Variants in CNTN5 observed in about 807,000 individuals in gnomAD.
CNTN5 encodes contactin 5.
Under a neutral mutation model 129.1 loss-of-function variants are expected in CNTN5, and 77 were observed. The observed-to-expected ratio is 0.60, with a 90% CI of 0.50 to 0.72. The LOEUF (loss-of-function observed/expected upper bound fraction) is 0.72, where lower values mean the gene tolerates loss of function less well. Ranked by LOEUF, CNTN5 falls within the 30% of genes least tolerant of loss-of-function variation. CNTN5 has a pLI of 0.00. For missense variants in CNTN5, 1,478 were observed against 1,328.8 expected, an observed-to-expected ratio of 1.11 and a Z score of -1.75; for synonymous variants, 509 against 465.6, an observed-to-expected ratio of 1.09 and a Z score of -1.20.
intron 1 of CNTN5, among the ~76,000 whole-genome samples, chr11:99,294,769 G>C (rs558402651): frequency 4.3e-4 from 65 of 152,290 alleles, no homozygotes; most frequent in African/African-American, 1.5e-3. Flanking sequence ...AGACACCACT[G>C]TCGACGACGT....
chr11:99,332,466 T>C (rs1336474565), intron 2 of CNTN5, among the ~76,000 whole-genome samples: 1 of 152,140 alleles, frequency 6.6e-6, no homozygotes, highest in Non-Finnish European at 1.5e-5. Flanking sequence ...CATTTTAAAC[T>C]AATATTTGAA....
intron 3 of CNTN5, among the ~76,000 whole-genome samples, chr11:99,756,850 A>C (rs758601998): frequency 2.0e-5 from 3 of 152,040 alleles, no homozygotes; most frequent in Non-Finnish European, 2.9e-5. Context: ...ATATAAAAAG[A>C]AATAACTTTT....
chr11:99,342,548 A>G (rs2136059148), intron 2 of CNTN5, among the ~76,000 whole-genome samples: 1 of 135,540 alleles, frequency 7.4e-6, no homozygotes, highest in African/African-American at 2.7e-5. Context: ...CAGCCAGGGC[A>G]ACATGGCGAA....
intron 13 of CNTN5, among the ~76,000 whole-genome samples, chr11:100,098,501 C>G (rs1591239952): frequency 1.3e-5 from 2 of 152,000 alleles, no homozygotes; most frequent in African/African-American, 2.4e-5. Flanking sequence ...TAGATTTACT[C>G]TATTAGGAAA....
intron 13 of CNTN5, among the ~76,000 whole-genome samples, chr11:100,153,570 A>G (rs767699292): frequency 3.3e-5 from 5 of 152,156 alleles, no homozygotes; most frequent in African/African-American, 4.8e-5. Context: ...ATAGAAAATT[A>G]TAAAAGCAAA....
At chr11:99,901,257 A>T (rs1234817358) in intron 6 of CNTN5, among the ~76,000 whole-genome samples, 1 of 152,088 alleles carries the variant, frequency 6.6e-6, no homozygotes, top group African/African-American at 2.4e-5. Flanking sequence ...ATAAACTGGT[A>T]AGATTTTCTG....
intron 13 of CNTN5, among the ~76,000 whole-genome samples, chr11:100,117,905 G>T (rs1307624037): frequency 1.3e-5 from 2 of 151,776 alleles, no homozygotes; most frequent in Non-Finnish European, 2.9e-5. Context: ...TGGGCTATTT[G>T]TCTCATTAGT....
intron 3 of CNTN5, among the ~76,000 whole-genome samples, chr11:99,588,069 C>T (rs1322076130): frequency 4.6e-5 from 7 of 152,296 alleles, no homozygotes; most frequent in Admixed American, 2.0e-4. Flanking sequence ...ACCGGCCGGG[C>T]GCAGTGGCTC....
chr11:100,280,969 A>G (rs1950622760), intron 18 of CNTN5, among the ~76,000 whole-genome samples: 1 of 152,170 alleles, frequency 6.6e-6, no homozygotes, highest in African/African-American at 2.4e-5. Context: ...AACTAGTAAA[A>G]AATCTACATC....
At chr11:99,920,325 T>G (rs73551376) in intron 7 of CNTN5, among the ~76,000 whole-genome samples, 14,255 of 152,192 alleles carry the variant, frequency 0.094, 1,419 homozygotes, top group African/African-American at 0.25. Flanking sequence ...CTATAACTTC[T>G]TATCTCCTTA....
chr11:99,322,433 A>G (rs76149289), intron 1 of CNTN5, among the ~76,000 whole-genome samples: 3,614 of 152,244 alleles, frequency 0.024, 148 homozygotes, highest in African/African-American at 0.082. Flanking sequence ...TAAAAATCTC[A>G]TATCTAAACC....
intron 6 of CNTN5, among the ~76,000 whole-genome samples, chr11:99,876,323 A>G (rs1486390365): frequency 6.6e-6 from 1 of 152,088 alleles, no homozygotes; most frequent in Admixed American, 6.5e-5. Context: ...ACTGTCCGCT[A>G]ACTATACCTT....
At chr11:99,229,369 G>C (rs573575414) in intron 1 of CNTN5, among the ~76,000 whole-genome samples, 10 of 151,742 alleles carry the variant, frequency 6.6e-5, no homozygotes, top group South Asian at 2.1e-4. Context: ...AAGCTATACA[G>C]GTGTTTTGTA....
rs1439983239 is a variant in CNTN5 at position 99,094,007 on chromosome 11, G to T, written c.-210+72737G>T. On this transcript the variant is annotated intron_variant, in intron 1 of 24. Transcript: ENST00000524871. ...ACATATAAGATAATATAATATAGTA[G>T]AAATATTTCTGAACATTAATGATTT... Among the ~76,000 whole-genome samples the T allele has an allele frequency of 2.0e-5, 3 of 151,724 alleles. No homozygotes were observed. In the East Asian group the frequency reaches 5.8e-4, roughly 29 times the overall value.
At chr11:99,155,722 C>G (rs887061765) in intron 1 of CNTN5, among the ~76,000 whole-genome samples, 1 of 151,558 alleles carries the variant, frequency 6.6e-6, no homozygotes, top group African/African-American at 2.4e-5. Flanking sequence ...ACTACTTGCC[C>G]TACAAAGTCA....
rs183376239 is a variant in CNTN5 at position 99,202,282 on chromosome 11, A to C, written c.-209-123064A>C. ...AATTAACATTTACTTAGTGCCTAGCATGCTCATGGCATTACAGAAAATGGA... is the reference window on the plus strand; with the variant it reads ...AATTAACATTTACTTAGTGCCTAGCCTGCTCATGGCATTACAGAAAATGGA... On this transcript the variant is annotated intron_variant, in intron 1 of 24. Transcript: ENST00000524871. Among the ~76,000 whole-genome samples the C allele has an allele frequency of 9.5e-3, 1,443 of 152,304 alleles. 35 individuals carry two copies. Among genetic ancestry groups the C allele is most frequent in the Admixed American group, 0.057 (875 of 15,290 alleles).
chr11:99,861,115 C>G (rs117719498), intron 6 of CNTN5, among the ~76,000 whole-genome samples: 2,517 of 152,074 alleles, frequency 0.017, 27 homozygotes, highest in Middle Eastern at 0.061. Flanking sequence ...ACCACCAAGC[C>G]TGGCTAATTT....
intron 2 of CNTN5, among the ~76,000 whole-genome samples, chr11:99,446,282 T>C (rs1340948476): frequency 1.3e-5 from 2 of 152,156 alleles, no homozygotes; most frequent in Admixed American, 6.5e-5. Context: ...CATTATTTTC[T>C]TTCTGTGACA....
chr11:99,261,026 C>A (rs976210058), intron 1 of CNTN5, among the ~76,000 whole-genome samples: 2 of 151,760 alleles, frequency 1.3e-5, no homozygotes, highest in Non-Finnish European at 2.9e-5. Context: ...ATAGAATGAT[C>A]CCCTTTTTCA....
Sources: allele counts gnomAD v4.1 joint callset (sites outside exome capture counted in the v4.1 genomes callset), GRCh38; gene constraint gnomAD v4.1.1; transcripts MANE v1.5; gene names NCBI Gene and HGNC (gene_info 2026-07-23, HGNC 2026-07-21).